The following ALOX15 variants were observed in gnomAD, a reference collection of about 807,000 sequenced individuals.
ALOX15 encodes arachidonate 15-lipoxygenase, also known as polyunsaturated fatty acid lipoxygenase ALOX15.
ALOX15 carries 68 observed loss-of-function variants against 71.7 expected under a neutral mutation model. That is an observed-to-expected ratio of 0.95 (90% CI 0.78 to 1.16). The LOEUF (loss-of-function observed/expected upper bound fraction) is 1.16, where lower values mean the gene tolerates loss of function less well. Ranked by LOEUF, ALOX15 falls within the 50% of genes most tolerant of loss-of-function variation. ALOX15 has a pLI of 0.00. For synonymous variants in ALOX15, 346 were observed against 333.3 expected (o/e 1.04, Z -0.42); for missense variants, 798 against 818.8 (o/e 0.97, Z 0.31).
rs781145163 is a variant in ALOX15, at chr17:4,631,930, T to C, written c.1768A>G (p.Met590Val). 1 of 1,613,996 alleles carries C rather than the reference T, an allele frequency of 6.2e-7. No individual in the cohort carries two copies. ...LPNFHQASLQ[M>V]SITWQLGRRQ... ...CTGCCCAGCTGCCAAGTGATGGACA[T>C]CTGGAGAGAAGCCTGGTGGAAGTTG... Residue 590 changes from methionine (M) to valine (V), a missense_variant, in exon 13 of 14, where the codon ATG becomes GTG. Physicochemically the swap from Met to Val is conservative, Grantham distance 21. This residue lies in a region of ALOX15 where 490 missense variants were observed against 509.4 expected (regional missense o/e 0.96). Coordinates refer to ENST00000293761, the MANE Select transcript of ALOX15 (RefSeq NM_001140.5).
chr17:4,632,318 A>G (rs1422064979), intron 11 of ALOX15, 37 bp from the exon 12 acceptor site: 1 of 1,565,290 alleles, frequency 6.4e-7, no homozygotes, highest in Non-Finnish European at 8.8e-7. Flanking sequence ...CTGCGAAGGC[A>G]GGAGTAGGGC....
Position 4,637,120 on chromosome 17 carries a change from T to C in ALOX15, c.946A>G (p.Ile316Val). The change falls in exon 7 of 14, where the codon ATC (isoleucine) becomes GTC (valine). Residue 316 changes from isoleucine (I) to valine (V), a missense_variant. Around this residue, in one of 3 missense-constraint regions of ALOX15, gnomAD observed 490 missense variants for 509.4 expected, o/e 0.96. Transcript: ENST00000293761. Reference protein sequence around the residue: ...QPDGKLLPMVIQLQLPRTGSP... With the variant: ...QPDGKLLPMVVQLQLPRTGSP... Reference sequence around the variant, plus strand: ...GAAATCCTGAGTCCTCTCACCTGGATGACCATGGGCAAGAGTTTCCCATCA... The same window carrying C: ...GAAATCCTGAGTCCTCTCACCTGGACGACCATGGGCAAGAGTTTCCCATCA... The C allele has an allele frequency of 1.2e-6, 2 of 1,611,606 alleles. No homozygotes were observed. The highest frequency in any genetic ancestry group is 1.7e-6 in the Non-Finnish European group (2 of 1,178,684).
rs775548493 is a variant in ALOX15, at chr17:4,632,885, C to T, written c.1516G>A (p.Gly506Arg). 1.1e-5 allele frequency: 17 copies of T among 1,613,964 alleles called. No homozygotes were observed. The highest frequency in any genetic ancestry group is 1.6e-4 in the Middle Eastern group (1 of 6,084). The change falls in exon 11 of 14, where the codon GGG becomes AGG. Residue 506 changes from glycine to arginine, a missense_variant. Around this residue, in one of 3 missense-constraint regions of ALOX15, gnomAD observed 490 missense variants for 509.4 expected, o/e 0.96. Transcript: ENST00000293761. ...QTWCREITEI[G>R]LQGAQDRGFP... ...CCTCGGTCCTGGGCCCCTTGCAGCC[C>T]GATTTCAGTGATCTCTCGACACCAG...
rs752703451 is a variant in ALOX15, at chr17:4,638,671, C to T, written c.556G>A (p.Ala186Thr). The T allele has an allele frequency of 1.8e-5, 29 of 1,614,040 alleles. No homozygotes were observed. Among genetic ancestry groups the T allele is most frequent in the Admixed American group, 1.0e-4 (6 of 59,988 alleles). Residue 186 changes from alanine to threonine, a missense_variant, in exon 5 of 14, where the codon GCT becomes ACT. By Grantham distance (58) the Ala-to-Thr change is moderately conservative (BLOSUM62 0). Coordinates refer to ENST00000293761, the MANE Select transcript of ALOX15 (RefSeq NM_001140.5). ...VSLAKGLADL[A>T]IKDSLNVLTC... The stretch of plus-strand genomic sequence containing the variant: ...AGAACATTTAGAGAGTCTTTGATAG[C>T]GAGGTCGGCCAGCCTTCAGGGCAGG...
intron 8 of ALOX15, among the ~76,000 whole-genome samples, chr17:4,634,362 G>A (rs1218354694): frequency 6.6e-6 from 1 of 152,020 alleles, no homozygotes; most frequent in Non-Finnish European, 1.5e-5. Context: ...AAGTACAGTG[G>A]TGTGATCTCG....
At position 4,635,780 on chromosome 17, in the gene ALOX15, C is replaced by G; in HGVS notation, c.1140G>C (p.Pro380=). Residue 380 remains proline, a synonymous_variant, in exon 8 of 14, where the codon CCG becomes CCC. Coordinates refer to ENST00000293761, the MANE Select transcript of ALOX15 (RefSeq NM_001140.5). ...VIVVATMRCL[P]SIHPIFKLII... is the part of the protein sequence containing the mutation. The stretch of plus-strand genomic sequence containing the variant: ...TTACCTTGAAGATAGGATGTATCGA[C>G]GGCAGGCACCTCATGGTGGCCACAA... 1 of 1,614,236 alleles carries G rather than the reference C, an allele frequency of 6.2e-7. No individual in the cohort carries two copies. Among genetic ancestry groups the G allele is most frequent in the Non-Finnish European group, 8.5e-7 (1 of 1,180,052 alleles).
rs141604903 is a variant in ALOX15, at chr17:4,631,895, G to C, written c.1803C>G (p.Pro601=). ...CTGGGCACTCAGCTCTCACCATAAC[G>C]GGCTGGCGTCTGCCCAGCTGCCAAG... ...SITWQLGRRQ[P]VMVAVGQHEE... is the part of the protein sequence containing the mutation. Residue 601 remains proline (P), a synonymous_variant, in exon 13 of 14, where the codon CCC becomes CCG. Coordinates refer to ENST00000293761, the MANE Select transcript of ALOX15 (RefSeq NM_001140.5). The C allele has an allele frequency of 6.2e-7, 1 of 1,611,454 alleles. No individual in the cohort carries two copies. The highest frequency in any genetic ancestry group is 8.5e-7 in the Non-Finnish European group (1 of 1,178,460).
rs1555549383 is a variant in ALOX15 at position 4,631,909 on chromosome 17, C to G, written c.1789G>C (p.Gly597Arg). The G allele has an allele frequency of 1.2e-6, 2 of 1,612,720 alleles. No individual in the cohort carries two copies. Among genetic ancestry groups the G allele is most frequent in the Non-Finnish European group, 1.7e-6 (2 of 1,179,208 alleles). ...CTCACCATAACGGGCTGGCGTCTGC[C>G]CAGCTGCCAAGTGATGGACATCTGG... ...SLQMSITWQL[G>R]RRQPVMVAVG... The change falls in exon 13 of 14, where the codon GGC becomes CGC. Residue 597 changes from glycine (G) to arginine (R), a missense_variant. Gly to Arg is a moderately radical substitution (Grantham distance 125). Coordinates refer to ENST00000293761, the MANE Select transcript of ALOX15 (RefSeq NM_001140.5).
chr17:4,632,979 A>G lies in ALOX15; in HGVS notation c.1422T>C (p.Tyr474=), dbSNP rs775667531. 1.2e-6 allele frequency: 2 copies of G among 1,614,104 alleles called. No homozygotes were observed. Among genetic ancestry groups the G allele is most frequent in the South Asian group, 1.1e-5 (1 of 91,086 alleles). The part of the protein sequence containing the change: ...ALRLWEIIYR[Y]VEGIVSLHYK... ...AGTGGAGACTCACGATTCCTTCCAC[A>G]TACCTACCAACCAACGGAGCAGGGC... The change falls in exon 11 of 14, where the codon TAT becomes TAC. Residue 474 remains tyrosine (Y), a synonymous_variant. Transcript: ENST00000293761.
intron 7 of ALOX15, 76 bp downstream of exon 7, chr17:4,637,039 G>A (rs975463193): frequency 3.3e-6 from 5 of 1,526,212 alleles, no homozygotes; most frequent in African/African-American, 2.8e-5. Flanking sequence ...TGCAGATGGT[G>A]CTCAGTAAAT....
At chr17:4,636,347 AG>A (rs1482872954) in intron 7 of ALOX15, among the ~76,000 whole-genome samples, 1 of 152,194 alleles carries the variant, frequency 6.6e-6, no homozygotes, top group East Asian at 1.9e-4. Flanking sequence ...TCTTGTTCTC[AG>A]CTGCCTGCTG....
chr17:4,632,792 A>G (rs1910958450), intron 11 of ALOX15, 69 bp downstream of exon 11: 7 of 1,604,802 alleles, frequency 4.4e-6, no homozygotes, highest in Non-Finnish European at 6.0e-6. Context: ...ATTTCACAGA[A>G]GCACAGGGGA....
At position 4,635,974 on chromosome 17, in the gene ALOX15, G is replaced by A. The variant is rs1567647713; in HGVS notation, c.952-6C>T. 1 of 1,613,160 alleles carries A rather than the reference G, an allele frequency of 6.2e-7. No individual in the cohort carries two copies. Among genetic ancestry groups the A allele is most frequent in the Non-Finnish European group, 8.5e-7 (1 of 1,179,940 alleles). On this transcript the variant is annotated splice_region_variant and splice_polypyrimidine_tract_variant and intron_variant, in intron 7 of 13. Coordinates refer to ENST00000293761, the MANE Select transcript of ALOX15 (RefSeq NM_001140.5). The stretch of plus-strand genomic sequence containing the variant: ...CCTGTGCGGGGCAGCTGGAGCTGGA[G>A]CAGGGACAAGTGTGGGGAGAGAAGG...
In ALOX15 at chr17:4,632,994, C is replaced by A; in HGVS notation, c.1419-12G>T. ...TTCCTTCCACATACCTACCAACCAA[C>A]GGAGCAGGGCCAGGGAGCTGAAGCC... On this transcript the variant is annotated splice_polypyrimidine_tract_variant and intron_variant, in intron 10 of 13. Coordinates refer to ENST00000293761, the MANE Select transcript of ALOX15 (RefSeq NM_001140.5). 6.2e-7 allele frequency: 1 copy of A among 1,614,104 alleles called. No individual in the cohort carries two copies. Among genetic ancestry groups the A allele is most frequent in the Admixed American group, 1.7e-5 (1 of 60,024 alleles).
chr17:4,636,687 C>T (rs1911112501), intron 7 of ALOX15, among the ~76,000 whole-genome samples: 1 of 152,190 alleles, frequency 6.6e-6, no homozygotes, highest in Non-Finnish European at 1.5e-5. Flanking sequence ...TCCAGCTTCC[C>T]ACCTCATACT....
chr17:4,639,769 C>G, intron 1 of ALOX15, 138 bp from the exon 2 acceptor site: 1 of 812,324 alleles, frequency 1.2e-6, no homozygotes, highest in Non-Finnish European at 1.9e-6. Context: ...GGGGACTGAG[C>G]CAGAGAGAGA....
At chr17:4,639,818 G>A in intron 1 of ALOX15, 187 bp from the exon 2 acceptor site, 1 of 592,240 alleles carries the variant, frequency 1.7e-6, no homozygotes, top group East Asian at 2.9e-5. Flanking sequence ...ACTCGGTTCT[G>A]AGGGGACGGG....
At position 4,633,244 on chromosome 17, in the gene ALOX15, G is replaced by A; in HGVS notation, c.1320C>T (p.Ser440=). Residue 440 remains serine, a synonymous_variant, in exon 10 of 14, where the codon TCC becomes TCT. Transcript: ENST00000293761. ...KQAGAFLTYS[S]FCPPDDLADR... ...CGGCCAAGTCATCAGGGGGACAGAAGGAGCTGTAGGTTAGGAAGGCTCCAG... is the reference window on the plus strand; with the variant it reads ...CGGCCAAGTCATCAGGGGGACAGAAAGAGCTGTAGGTTAGGAAGGCTCCAG... 6.2e-7 allele frequency: 1 copy of A among 1,614,206 alleles called. No homozygotes were observed. Among genetic ancestry groups the A allele is most frequent in the African/African-American group, 1.3e-5 (1 of 75,048 alleles).
chr17:4,636,095 G>A (rs1303179246), intron 7 of ALOX15, 127 bp from the exon 8 acceptor site: 17 of 1,025,850 alleles, frequency 1.7e-5, no homozygotes, highest in Non-Finnish European at 2.3e-5. Context: ...TCTCACTCCT[G>A]CCGCTCCCTA....
Sources: allele counts gnomAD v4.1 joint callset (sites outside exome capture counted in the v4.1 genomes callset), GRCh38; gene constraint gnomAD v4.1.1; regional missense constraint gnomAD v4.1.1; transcripts MANE v1.5; gene names NCBI Gene and HGNC (gene_info 2026-07-23, HGNC 2026-07-21).